Variants in STAMBP observed in about 807,000 individuals in gnomAD.
STAMBP encodes the protein STAM-binding protein.
Under a neutral mutation model 50.7 loss-of-function variants are expected in STAMBP, and 31 were observed. The observed-to-expected ratio is 0.61, with a 90% CI of 0.46 to 0.83. STAMBP has a LOEUF of 0.83. STAMBP is among the 40% of genes least tolerant of loss of function. The pLI is 0.00. For synonymous variants in STAMBP, 211 were observed against 192.4 expected, an observed-to-expected ratio of 1.10 and a Z score of -0.80; for missense variants, 472 against 518.9, an observed-to-expected ratio of 0.91 and a Z score of 0.88.
At chr2:73,840,867 A>G (rs1675305664) in intron 2 of STAMBP, among the ~76,000 whole-genome samples, 1 of 152,180 alleles carries the variant, frequency 6.6e-6, no homozygotes, top group Non-Finnish European at 1.5e-5. Context: ...GAAAGGTTAT[A>G]TTAATTTACA....
chr2:73,871,929 G>A (rs753041152), downstream of STAMBP, among the ~76,000 whole-genome samples: 84 of 151,838 alleles, frequency 5.5e-4, no homozygotes, highest in Non-Finnish European at 1.0e-3. Flanking sequence ...CACCATGCCT[G>A]GCTAATTTTT....
intron 4 of STAMBP, among the ~76,000 whole-genome samples, chr2:73,845,726 G>A (rs970570674): frequency 3.4e-5 from 5 of 148,650 alleles, no homozygotes; most frequent in Middle Eastern, 3.6e-3. Flanking sequence ...CTGCCTCCCC[G>A]ACTCAAGTGA....
At chr2:73,853,987 T>A (rs1474912909) in intron 7 of STAMBP, among the ~76,000 whole-genome samples, 1 of 152,234 alleles carries the variant, frequency 6.6e-6, no homozygotes, top group Non-Finnish European at 1.5e-5. Flanking sequence ...TGCTCAACAT[T>A]TTGAAGGTTT....
intron 4 of STAMBP, among the ~76,000 whole-genome samples, chr2:73,847,081 CAAAAAAA>C (rs10685610): frequency 1.0e-5 from 1 of 96,264 alleles, no homozygotes; most frequent in South Asian, 3.5e-4. Flanking sequence ...GACCCTGTCT[CAAAAAAA>C]AAAAAAAAAA....
chr2:73,858,072 T>A (rs1422070169), intron 7 of STAMBP, among the ~76,000 whole-genome samples: 5 of 151,154 alleles, frequency 3.3e-5, no homozygotes, highest in African/African-American at 1.2e-4. Context: ...AAGCTCCACC[T>A]CCCGGGTTCA....
chr2:73,865,569 C>T lies in STAMBP; in HGVS notation c.*3310C>T, dbSNP rs1678792668. ...AGGTTGAACATTTAAGGCTTTGCTT[C>T]TAGGCCCAGCTATACATTCACCAGC... On this transcript the variant is annotated 3_prime_UTR_variant, in exon 10 of 10. Transcript: ENST00000394070. 6.6e-6 allele frequency: 1 copy of T among 152,202 alleles called. No individual in the cohort carries two copies. Among genetic ancestry groups the T allele is most frequent in the South Asian group, 2.1e-4 (1 of 4,830 alleles). 9.4% of individuals were successfully genotyped at this position (152,202 alleles called of 1,614,324 possible).
At chr2:73,873,004 G>T (rs185546942) in intron 10 of STAMBP, among the ~76,000 whole-genome samples, 1 of 152,172 alleles carries the variant, frequency 6.6e-6, no homozygotes. Context: ...TTTTCCCATA[G>T]AAATGATGGA....
intron 9 of STAMBP, 49 bp from the exon 10 acceptor site, chr2:73,862,154 G>C (rs777330404): frequency 7.1e-7 from 1 of 1,403,268 alleles, no homozygotes. Flanking sequence ...AAAAAAAAAA[G>C]ACTTTTCAGA....
In STAMBP at chr2:73,862,548, C is replaced by A; in HGVS notation, c.*289C>A. 4.6e-6 allele frequency: 1 copy of A among 217,604 alleles called. No individual in the cohort carries two copies. 13.5% of individuals were successfully genotyped at this position (217,604 alleles called of 1,614,324 possible). ...TTAAGAAAGAATGGTATAATGAACC[C>A]CCATATACCCTTCCTTCTGGATTCA... On this transcript the variant is annotated 3_prime_UTR_variant, in exon 10 of 10. Coordinates refer to ENST00000394070, the MANE Select transcript of STAMBP (RefSeq NM_213622.4).
chr2:73,834,280 T>A (rs1325698031), intron 2 of STAMBP, among the ~76,000 whole-genome samples: 6 of 89,982 alleles, frequency 6.7e-5, no homozygotes, highest in East Asian at 6.5e-4. Flanking sequence ...TATATATATA[T>A]ATATATAAAG....
At chr2:73,847,968 C>T (rs1162409837) in intron 5 of STAMBP, among the ~76,000 whole-genome samples, 2 of 152,136 alleles carry the variant, frequency 1.3e-5, no homozygotes, top group Non-Finnish European at 2.9e-5. Flanking sequence ...TTCTGAAGAG[C>T]TAATATTATT....
chr2:73,843,402 G>A (rs1007486936), intron 2 of STAMBP, among the ~76,000 whole-genome samples: 2 of 121,802 alleles, frequency 1.6e-5, no homozygotes, highest in Non-Finnish European at 3.2e-5. Flanking sequence ...ATATGTTTGT[G>A]TATGTATATA....
chr2:73,855,044 T>C (rs973181372), intron 7 of STAMBP, among the ~76,000 whole-genome samples: 4 of 152,168 alleles, frequency 2.6e-5, no homozygotes, highest in African/African-American at 4.8e-5. Flanking sequence ...GATCTTAAAA[T>C]TGGCCAGAGG....
intron 7 of STAMBP, among the ~76,000 whole-genome samples, chr2:73,854,689 G>A (rs1677321525): frequency 6.6e-6 from 1 of 151,884 alleles, no homozygotes; most frequent in Non-Finnish European, 1.5e-5. Context: ...TTCCTAATTC[G>A]GGATTAAAAA....
chr2:73,845,138 C>G lies in STAMBP; in HGVS notation c.280-29C>G, dbSNP rs745818519. The G allele has an allele frequency of 1.9e-6, 3 of 1,606,756 alleles. No homozygotes were observed. In the South Asian group the frequency reaches 3.3e-5, roughly 18 times the overall value. On this transcript the variant is annotated intron_variant, in intron 3 of 9. Coordinates refer to ENST00000394070, the MANE Select transcript of STAMBP (RefSeq NM_213622.4). ...GATTCTGTAATTTTCTGGCATTGTT[C>G]TAATTCTATTTTCTGTTTTGTGTCT... is the stretch of plus-strand genomic sequence containing the variant.
At chr2:73,845,725 C>T (rs1675976136) in intron 4 of STAMBP, among the ~76,000 whole-genome samples, 1 of 151,772 alleles carries the variant, frequency 6.6e-6, no homozygotes, top group Non-Finnish European at 1.5e-5. Context: ...TCTGCCTCCC[C>T]GACTCAAGTG....
chr2:73,840,715 A>G (rs1362865687), intron 2 of STAMBP, among the ~76,000 whole-genome samples: 4 of 151,554 alleles, frequency 2.6e-5, no homozygotes, highest in Admixed American at 1.3e-4. Context: ...CTGCACTCCA[A>G]CCAGGGCGGC....
Position 73,840,502 on chromosome 2 carries a change from G to A in STAMBP, c.204-4311G>A, listed in dbSNP as rs117463452. On this transcript the variant is annotated intron_variant, in intron 2 of 9. Transcript: ENST00000394070. ...CTCACGCCTGTAATCCCAGCATTTCGGGAGGCTGACGCGGGCAGATCACCT... is the reference window on the plus strand; with the variant it reads ...CTCACGCCTGTAATCCCAGCATTTCAGGAGGCTGACGCGGGCAGATCACCT... Among the ~76,000 whole-genome samples, 1,349 of 151,904 alleles carry A rather than the reference G, an allele frequency of 8.9e-3. 43 individuals carry two copies. The East Asian group carries it at 0.095, about 11-fold the overall frequency.
chr2:73,835,353 C>CAAA (rs71406834), intron 2 of STAMBP, among the ~76,000 whole-genome samples: 5 of 87,388 alleles, frequency 5.7e-5, no homozygotes, highest in East Asian at 3.0e-4. Flanking sequence ...GACTCGGTCT[C>CAAA]AAAAAAAAAA....
Sources: allele counts gnomAD v4.1 joint callset (sites outside exome capture counted in the v4.1 genomes callset), GRCh38; gene constraint gnomAD v4.1.1; transcripts MANE v1.5; gene names NCBI Gene and HGNC (gene_info 2026-07-23, HGNC 2026-07-21).